Variants in LRMDA observed in about 807,000 individuals in gnomAD.
The protein encoded by LRMDA is leucine rich melanocyte differentiation associated.
A neutral mutation model predicts 29.8 loss-of-function variants in LRMDA; 18 were observed. That is an observed-to-expected ratio of 0.60 (90% CI 0.42 to 0.90). The LOEUF is 0.90. Among genes scored for constraint, LRMDA ranks in the 40% least tolerant of loss-of-function variants. The probability of loss-of-function intolerance (pLI) is 0.00; values close to 1 mark genes in which losing one functional copy is unlikely to be tolerated. For missense variants in LRMDA, 273 were observed against 273.9 expected (o/e 1.00, Z 0.02); for synonymous variants, 125 against 109.4 (o/e 1.14, Z -0.89).
chr10:75,704,779 G>A (rs970891436), intron 2 of LRMDA, among the ~76,000 whole-genome samples: 4 of 152,208 alleles, frequency 2.6e-5, no homozygotes, highest in Non-Finnish European at 5.9e-5. Context: ...CAGCCCTGCC[G>A]TGAATTGTGT....
At chr10:75,944,782 A>G (rs1349627890) in intron 2 of LRMDA, among the ~76,000 whole-genome samples, 1 of 149,420 alleles carries the variant, frequency 6.7e-6, no homozygotes, top group African/African-American at 2.4e-5. Flanking sequence ...ATATTTTATT[A>G]TAAATATTGT....
At chr10:75,539,432 A>G (rs1426579192) in intron 2 of LRMDA, among the ~76,000 whole-genome samples, 1 of 152,148 alleles carries the variant, frequency 6.6e-6, no homozygotes, top group Non-Finnish European at 1.5e-5. Flanking sequence ...TGGGAATGTC[A>G]TACATTTTAT....
chr10:75,442,712 T>G (rs1844343228), intron 2 of LRMDA, among the ~76,000 whole-genome samples: 1 of 152,172 alleles, frequency 6.6e-6, no homozygotes, highest in African/African-American at 2.4e-5. Flanking sequence ...TTCTTTTTGC[T>G]CAAGATTGCT....
chr10:76,359,994 G>GT lies in LRMDA; in HGVS notation c.601+35518dup, dbSNP rs577715202. Among the ~76,000 whole-genome samples, 141 of 150,750 alleles carry GT rather than the reference G, an allele frequency of 9.4e-4. 1 individual carries two copies. The highest frequency in any genetic ancestry group is 6.1e-3 in the East Asian group (31 of 5,118). On this transcript the variant is annotated intron_variant, in intron 6 of 6. Coordinates refer to ENST00000611255, the MANE Select transcript of LRMDA (RefSeq NM_001305581.2). ...GTCCAGTGGCATTTCTTTTTCTTTT[G>GT]TTTTTTTTTATTTTTTTGAGACGCA...
intron 6 of LRMDA, among the ~76,000 whole-genome samples, chr10:76,345,210 GCGCCCGCTACCA>G (rs1159994171): frequency 6.7e-6 from 1 of 149,818 alleles, no homozygotes; most frequent in Non-Finnish European, 1.5e-5. Context: ...GGGACTACAG[GCGCCCGCTACCA>G]CGCCCGGCTA....
intron 6 of LRMDA, among the ~76,000 whole-genome samples, chr10:76,363,178 G>GAAAGAAAGAAAGAAAGAAAGAAAGA (rs1564520675): frequency 8.2e-5 from 1 of 12,262 alleles, no homozygotes; most frequent in Non-Finnish European, 1.6e-4. Context: ...AGAAAGAAAG[G>GAAAGAAAGAAAGAAAGAAAGAAAGA]AGGGAGGGAG....
chr10:75,651,172 T>C (rs1229704373), intron 2 of LRMDA, among the ~76,000 whole-genome samples: 1 of 152,190 alleles, frequency 6.6e-6, no homozygotes, highest in Non-Finnish European at 1.5e-5. Flanking sequence ...TGTGCTGTTA[T>C]GCCAAAATGT....
chr10:76,462,986 C>A (rs1032426682), intron 6 of LRMDA, among the ~76,000 whole-genome samples: 2 of 152,140 alleles, frequency 1.3e-5, no homozygotes, highest in Non-Finnish European at 2.9e-5. Flanking sequence ...ATAAAGCTGG[C>A]AAGTTATTAG....
intron 2 of LRMDA, among the ~76,000 whole-genome samples, chr10:75,740,332 T>C (rs969712428): frequency 3.9e-5 from 6 of 152,098 alleles, no homozygotes; most frequent in African/African-American, 1.4e-4. Flanking sequence ...GAATGGCTCC[T>C]GGGAACACGG....
intron 2 of LRMDA, among the ~76,000 whole-genome samples, chr10:75,604,105 A>G (rs932711275): frequency 6.6e-6 from 1 of 152,086 alleles, no homozygotes; most frequent in Non-Finnish European, 1.5e-5. Flanking sequence ...TGACCCCCCA[A>G]TGTGCCTTTA....
At chr10:76,156,869 A>G (rs1013400525) in intron 5 of LRMDA, among the ~76,000 whole-genome samples, 1 of 152,152 alleles carries the variant, frequency 6.6e-6, no homozygotes, top group Non-Finnish European at 1.5e-5. Flanking sequence ...GGCTTTTGTC[A>G]TTTCACTTAT....
intron 5 of LRMDA, among the ~76,000 whole-genome samples, chr10:76,162,287 A>T (rs908958178): frequency 1.3e-5 from 2 of 152,152 alleles, no homozygotes; most frequent in African/African-American, 4.8e-5. Context: ...AAGGGAAAAG[A>T]TCGCTGGCAG....
At chr10:76,553,044 C>CT (rs1843514189) in intron 6 of LRMDA, among the ~76,000 whole-genome samples, 1 of 152,106 alleles carries the variant, frequency 6.6e-6, no homozygotes, top group South Asian at 2.1e-4. Flanking sequence ...CTTCCTGATA[C>CT]TTTTTTTTCA....
chr10:75,641,975 TA>T (rs564411401), intron 2 of LRMDA, among the ~76,000 whole-genome samples: 8 of 152,176 alleles, frequency 5.3e-5, no homozygotes, highest in Non-Finnish European at 1.0e-4. Flanking sequence ...AGAGAAAGTG[TA>T]TTGTACTCAT....
At chr10:76,209,045 G>T (rs1851588598) in intron 5 of LRMDA, among the ~76,000 whole-genome samples, 1 of 151,922 alleles carries the variant, frequency 6.6e-6, no homozygotes, top group Non-Finnish European at 1.5e-5. Context: ...TTCCAGCTAC[G>T]CAGCAGGCTG....
At chr10:75,762,783 A>T (rs1374288596) in intron 2 of LRMDA, among the ~76,000 whole-genome samples, 1 of 152,166 alleles carries the variant, frequency 6.6e-6, no homozygotes, top group Non-Finnish European at 1.5e-5. Context: ...GATGTTAGTT[A>T]TTATTATTTT....
At chr10:76,159,115 GTTCT>G (rs1242087946) in intron 5 of LRMDA, among the ~76,000 whole-genome samples, 2 of 152,046 alleles carry the variant, frequency 1.3e-5, no homozygotes. Context: ...ACTGATTCGT[GTTCT>G]TTATTTTTTA....
intron 6 of LRMDA, among the ~76,000 whole-genome samples, chr10:76,454,844 A>G (rs1842441572): frequency 6.6e-6 from 1 of 152,208 alleles, no homozygotes; most frequent in African/African-American, 2.4e-5. Context: ...TGTTGAGAGA[A>G]GGACAATTTG....
chr10:75,877,304 G>C (rs1002829871), intron 2 of LRMDA, among the ~76,000 whole-genome samples: 1 of 152,298 alleles, frequency 6.6e-6, no homozygotes, highest in African/African-American at 2.4e-5. Flanking sequence ...AGTTGGCCTC[G>C]TCTGTGGGCA....
Sources: allele counts gnomAD v4.1 joint callset (sites outside exome capture counted in the v4.1 genomes callset), GRCh38; gene constraint gnomAD v4.1.1; transcripts MANE v1.5; gene names NCBI Gene and HGNC (gene_info 2026-07-23, HGNC 2026-07-21).